The following RALYL variants were observed in gnomAD, a reference collection of about 807,000 sequenced individuals.
RALYL encodes the protein RALY RNA binding protein like, also known as RNA-binding Raly-like protein.
In RALYL, 29 loss-of-function variants were observed where a neutral mutation model predicts 35.1. The observed-to-expected ratio is 0.83, with a 90% CI of 0.61 to 1.13. RALYL has a LOEUF of 1.13. RALYL is among the 50% of genes most tolerant of loss of function. The pLI is 0.00. For synonymous variants in RALYL, 120 were observed against 127.6 expected, an observed-to-expected ratio of 0.94 and a Z score of 0.40; for missense variants, 359 against 360.4, an observed-to-expected ratio of 1.00 and a Z score of 0.03.
intron 2 of RALYL, among the ~76,000 whole-genome samples, chr8:84,568,869 A>C (rs1442623192): frequency 6.6e-6 from 1 of 151,722 alleles, no homozygotes; most frequent in Non-Finnish European, 1.5e-5. Context: ...GTGTCTGTTC[A>C]TATCCTTTGC....
At chr8:84,548,234 G>T (rs2060491194) in intron 2 of RALYL, among the ~76,000 whole-genome samples, 1 of 150,840 alleles carries the variant, frequency 6.6e-6, no homozygotes, top group African/African-American at 2.4e-5. Flanking sequence ...TTTTTCTTAA[G>T]TATGATTTTC....
chr8:84,662,794 TA>T (rs1390431414), intron 2 of RALYL, among the ~76,000 whole-genome samples: 3 of 152,152 alleles, frequency 2.0e-5, no homozygotes, highest in Non-Finnish European at 4.4e-5. Flanking sequence ...TAAAATAGTA[TA>T]AAAATGCATA....
intron 1 of RALYL, among the ~76,000 whole-genome samples, chr8:84,398,686 C>T (rs2042582944): frequency 6.6e-6 from 1 of 152,030 alleles, no homozygotes; most frequent in African/African-American, 2.4e-5. Context: ...ATTTAAAAAC[C>T]AATCCAGGCC....
intron 1 of RALYL, among the ~76,000 whole-genome samples, chr8:84,262,614 T>C (rs1174454927): frequency 2.0e-5 from 3 of 152,182 alleles, no homozygotes; most frequent in Non-Finnish European, 2.9e-5. Flanking sequence ...GAATTACTTT[T>C]ATAGACTTTT....
intron 2 of RALYL, among the ~76,000 whole-genome samples, chr8:84,545,376 C>T (rs900807472): frequency 6.6e-6 from 1 of 152,130 alleles, no homozygotes; most frequent in African/African-American, 2.4e-5. Context: ...CCATGCTGTT[C>T]TCTTTCAAAA....
intron 2 of RALYL, among the ~76,000 whole-genome samples, chr8:84,723,669 CT>C (rs1363518340): frequency 6.6e-6 from 1 of 151,744 alleles, no homozygotes; most frequent in Non-Finnish European, 1.5e-5. Flanking sequence ...AGTTACTTCA[CT>C]TTTTTTAGAA....
intron 1 of RALYL, among the ~76,000 whole-genome samples, chr8:84,464,251 A>G (rs1006793410): frequency 6.6e-6 from 1 of 151,684 alleles, no homozygotes; most frequent in African/African-American, 2.4e-5. Context: ...CTAACTCGTC[A>G]TCTAGCATTA....
chr8:84,762,312 T>C (rs1217597994), intron 2 of RALYL, among the ~76,000 whole-genome samples: 5 of 152,182 alleles, frequency 3.3e-5, no homozygotes, highest in African/African-American at 1.2e-4. Context: ...ATATCATATA[T>C]CCCATTTCTC....
intron 2 of RALYL, among the ~76,000 whole-genome samples, chr8:84,584,312 T>C (rs1811500272): frequency 6.6e-6 from 1 of 152,140 alleles, no homozygotes; most frequent in South Asian, 2.1e-4. Context: ...TTTTAAATTA[T>C]TGATATTTAA....
rs559488215 is a variant in RALYL, at chr8:84,335,330, T to G, written c.-24+150906T>G. ...TTCCTTGCTCCCAGATGAAGCTGTCTCAGTCCATCAGCATACTGCATGGCC... is the reference window on the plus strand; with the variant it reads ...TTCCTTGCTCCCAGATGAAGCTGTCGCAGTCCATCAGCATACTGCATGGCC... On this transcript the variant is annotated intron_variant, in intron 1 of 8. Transcript: ENST00000521268. Among the ~76,000 whole-genome samples, 143 of 152,290 alleles carry G rather than the reference T, an allele frequency of 9.4e-4. 1 individual carries two copies. The highest frequency in any genetic ancestry group is 1.7e-3 in the Non-Finnish European group (113 of 68,014).
chr8:84,788,462 T>G (rs972916081), intron 3 of RALYL, among the ~76,000 whole-genome samples: 6 of 152,156 alleles, frequency 3.9e-5, no homozygotes, highest in African/African-American at 1.4e-4. Context: ...TATTTTAAAA[T>G]TAGACATTTT....
chr8:84,719,251 G>A (rs770006786), intron 2 of RALYL, among the ~76,000 whole-genome samples: 33 of 152,086 alleles, frequency 2.2e-4, no homozygotes, highest in Admixed American at 8.5e-4. Context: ...ATTAATAGAC[G>A]TTGAAGGATA....
intron 1 of RALYL, among the ~76,000 whole-genome samples, chr8:84,410,810 T>A (rs938726840): frequency 2.6e-5 from 4 of 151,652 alleles, no homozygotes; most frequent in Non-Finnish European, 4.4e-5. Flanking sequence ...TACCCCAAAT[T>A]TAAGTTGGAA....
At chr8:84,206,088 G>A (rs1817991601) in intron 1 of RALYL, among the ~76,000 whole-genome samples, 1 of 152,048 alleles carries the variant, frequency 6.6e-6, no homozygotes, top group Non-Finnish European at 1.5e-5. Flanking sequence ...CTCTTTAAAG[G>A]CCCTTTCTCC....
At chr8:84,695,951 T>G (rs915514659) in intron 2 of RALYL, among the ~76,000 whole-genome samples, 1 of 151,612 alleles carries the variant, frequency 6.6e-6, no homozygotes, top group Non-Finnish European at 1.5e-5. Context: ...CAGAGAAGAG[T>G]GGACCAGTCA....
intron 1 of RALYL, among the ~76,000 whole-genome samples, chr8:84,419,077 G>T (rs73306325): frequency 6.6e-6 from 1 of 152,138 alleles, no homozygotes; most frequent in African/African-American, 2.4e-5. Context: ...AAAAGATAAG[G>T]TGAAAAGAGG....
At chr8:84,809,467 G>C (rs183722771) in intron 4 of RALYL, among the ~76,000 whole-genome samples, 337 of 152,140 alleles carry the variant, frequency 2.2e-3, no homozygotes, top group African/African-American at 7.8e-3. Flanking sequence ...TCCTTTCCTG[G>C]TTTTGGTATT....
chr8:84,331,787 A>G (rs1846868462), intron 1 of RALYL, among the ~76,000 whole-genome samples: 2 of 152,256 alleles, frequency 1.3e-5, no homozygotes, highest in East Asian at 1.9e-4. Flanking sequence ...TCTGAAATGC[A>G]TTAAACACAT....
chr8:84,207,887 A>T (rs1010442468), intron 1 of RALYL, among the ~76,000 whole-genome samples: 3 of 151,860 alleles, frequency 2.0e-5, no homozygotes, highest in Non-Finnish European at 4.4e-5. Context: ...TTTATGTGTC[A>T]TACCTCGATT....
Sources: allele counts gnomAD v4.1 joint callset (sites outside exome capture counted in the v4.1 genomes callset), GRCh38; gene constraint gnomAD v4.1.1; transcripts MANE v1.5; gene names NCBI Gene and HGNC (gene_info 2026-07-23, HGNC 2026-07-21).